Variants in IQGAP2 observed in about 807,000 individuals in gnomAD.
The protein encoded by IQGAP2 is IQ motif containing GTPase activating protein 2, also known as ras GTPase-activating-like protein IQGAP2.
IQGAP2 carries 173 observed loss-of-function variants against 201.3 expected under a neutral mutation model. That is an observed-to-expected ratio of 0.86 (90% CI 0.76 to 0.98). The LOEUF is 0.98. Among genes scored for constraint, IQGAP2 ranks in the 50% least tolerant of loss-of-function variants. The pLI is 0.00. For missense variants in IQGAP2, 1,687 were observed against 1,864.8 expected, an observed-to-expected ratio of 0.90 and a Z score of 1.76; for synonymous variants, 675 against 673.9, an observed-to-expected ratio of 1.00 and a Z score of -0.03.
chr5:76,550,249 T>C (rs1257893438), intron 2 of IQGAP2, among the ~76,000 whole-genome samples: 1 of 151,866 alleles, frequency 6.6e-6, no homozygotes, highest in East Asian at 1.9e-4. Context: ...CCAAAGCAAG[T>C]CCAAAACCTA....
intron 2 of IQGAP2, among the ~76,000 whole-genome samples, chr5:76,512,259 T>A (rs892899171): frequency 7.2e-5 from 11 of 152,208 alleles, no homozygotes; most frequent in African/African-American, 2.7e-4. Flanking sequence ...AAGAAGTTAC[T>A]TGGGCATCCA....
chr5:76,486,225 T>C (rs1186883183), intron 2 of IQGAP2, among the ~76,000 whole-genome samples: 1 of 152,188 alleles, frequency 6.6e-6, no homozygotes, highest in African/African-American at 2.4e-5. Context: ...GTGCAAAAGG[T>C]TATAGTTTGA....
intron 1 of IQGAP2, among the ~76,000 whole-genome samples, chr5:76,428,924 C>G (rs1420843503): frequency 6.6e-6 from 1 of 151,790 alleles, no homozygotes; most frequent in African/African-American, 2.4e-5. Flanking sequence ...GAAACCCCAC[C>G]TCTGCTAAAA....
intron 31 of IQGAP2, among the ~76,000 whole-genome samples, chr5:76,694,756 G>A (rs149620187): frequency 5.9e-5 from 9 of 152,302 alleles, no homozygotes; most frequent in Admixed American, 2.6e-4. Flanking sequence ...CGTTTCCTTA[G>A]ACTTCATCTA....
At chr5:76,555,699 CT>C (rs897094352) in intron 2 of IQGAP2, among the ~76,000 whole-genome samples, 2 of 151,944 alleles carry the variant, frequency 1.3e-5, no homozygotes, top group African/African-American at 4.8e-5. Flanking sequence ...TGCTGCTTTT[CT>C]TTTTTTTAAC....
intron 15 of IQGAP2, among the ~76,000 whole-genome samples, chr5:76,634,195 T>C (rs754628051): frequency 3.3e-5 from 5 of 152,154 alleles, no homozygotes; most frequent in Admixed American, 6.6e-5. Flanking sequence ...GCTGCTTTCC[T>C]GCTGCAGTGG....
intron 2 of IQGAP2, among the ~76,000 whole-genome samples, chr5:76,476,216 C>T (rs933891632): frequency 6.6e-6 from 1 of 152,030 alleles, no homozygotes; most frequent in Admixed American, 6.5e-5. Flanking sequence ...CTTGAAGCCA[C>T]CCAGCAGAGG....
chr5:76,600,823 C>G lies in IQGAP2; in HGVS notation c.1083C>G (p.Ala361=). Residue 361 remains alanine (A), a synonymous_variant, in exon 11 of 36, where the codon GCC becomes GCG. Coordinates refer to ENST00000274364, the MANE Select transcript of IQGAP2 (RefSeq NM_006633.5). ...LQKQNTMNYL[A]HEELLIAVEM... ...ATGTTTTCCAACAGAACTACTTGGC[C>G]CACGAGGAGCTTTTGATTGCTGTGG... 1 of 1,613,974 alleles carries G rather than the reference C, an allele frequency of 6.2e-7. No individual in the cohort carries two copies. Among genetic ancestry groups the G allele is most frequent in the South Asian group, 1.1e-5 (1 of 91,074 alleles).
chr5:76,466,003 TC>T (rs1482960366), intron 2 of IQGAP2, among the ~76,000 whole-genome samples: 1 of 152,096 alleles, frequency 6.6e-6, no homozygotes, highest in Non-Finnish European at 1.5e-5. Context: ...CCAGCTGCCT[TC>T]TTTTTTTTTA....
At chr5:76,464,092 C>T (rs1754641630) in intron 2 of IQGAP2, among the ~76,000 whole-genome samples, 1 of 152,138 alleles carries the variant, frequency 6.6e-6, no homozygotes, top group Non-Finnish European at 1.5e-5. Context: ...AAGTGATCCG[C>T]CCACCTCGGC....
chr5:76,516,424 A>G (rs1758325478), intron 2 of IQGAP2, among the ~76,000 whole-genome samples: 1 of 152,216 alleles, frequency 6.6e-6, no homozygotes, highest in Non-Finnish European at 1.5e-5. Context: ...ATCAAGCTAT[A>G]ACAAAACTTA....
At chr5:76,623,807 C>T (rs369361232) in intron 13 of IQGAP2, among the ~76,000 whole-genome samples, 3 of 152,086 alleles carry the variant, frequency 2.0e-5, no homozygotes, top group Admixed American at 1.3e-4. Context: ...TCAAATTGAG[C>T]GGTGAATCAC....
chr5:76,493,978 A>G (rs1200080415), intron 2 of IQGAP2, among the ~76,000 whole-genome samples: 2 of 152,246 alleles, frequency 1.3e-5, no homozygotes, highest in Non-Finnish European at 2.9e-5. Flanking sequence ...GTATTTGCAT[A>G]TAACCTATGC....
At position 76,570,648 on chromosome 5, in the gene IQGAP2, T is replaced by C. The variant is rs773155176; in HGVS notation, c.372T>C (p.Gly124=). The change falls in exon 4 of 36, where the codon GGT becomes GGC. Residue 124 remains glycine (G), a synonymous_variant. Transcript: ENST00000274364. The part of the protein sequence containing the change: ...VQWLRAMESI[G]LPKIFYPETT... The stretch of plus-strand genomic sequence containing the variant: ...GGTTAAGAGCGATGGAGTCTATTGG[T>C]CTACCCAAGGTAAGCCTTCACGCAC... 3.7e-6 allele frequency: 6 copies of C among 1,612,306 alleles called. No homozygotes were observed. Among genetic ancestry groups the C allele is most frequent in the Admixed American group, 1.7e-5 (1 of 60,014 alleles).
intron 2 of IQGAP2, among the ~76,000 whole-genome samples, chr5:76,536,088 G>A (rs1279833303): frequency 9.7e-6 from 1 of 103,040 alleles, no homozygotes; most frequent in African/African-American, 3.7e-5. Flanking sequence ...TTTTTGAGAT[G>A]GCAGAGTTTT....
chr5:76,677,371 A>G (rs781617390), intron 28 of IQGAP2, 21 bp downstream of exon 28: 6 of 1,611,418 alleles, frequency 3.7e-6, no homozygotes, highest in South Asian at 1.1e-5. Context: ...ATGGGGAGCC[A>G]TCTTAGCAAT....
At chr5:76,496,143 A>G (rs1756878762) in intron 2 of IQGAP2, among the ~76,000 whole-genome samples, 1 of 152,188 alleles carries the variant, frequency 6.6e-6, no homozygotes, top group Non-Finnish European at 1.5e-5. Context: ...CTTTACAGGG[A>G]ATGACTACGG....
intron 2 of IQGAP2, chr5:76,510,641 T>C: frequency 1.9e-6 from 1 of 530,520 alleles, no homozygotes; most frequent in Non-Finnish European, 3.8e-6. Context: ...GGTGACTACT[T>C]CTACTCCTTT....
At chr5:76,496,725 T>TTTCTTTTCTTTC (rs201757003) in intron 2 of IQGAP2, among the ~76,000 whole-genome samples, 27 of 93,660 alleles carry the variant, frequency 2.9e-4, no homozygotes, top group Non-Finnish European at 3.1e-4. Context: ...TCTTTCTTTC[T>TTTCTTTTCTTTC]TTTCTTTCTT....
Sources: gnomAD v4.1 joint callset for allele counts (sites outside exome capture counted in the v4.1 genomes callset) on GRCh38, gnomAD v4.1.1 for gene constraint, MANE v1.5 for transcripts, NCBI Gene and HGNC (gene_info 2026-07-23, HGNC 2026-07-21) for gene names.